The following FBXO36 variants were observed in gnomAD, a reference collection of about 807,000 sequenced individuals.
FBXO36 encodes F-box protein 36, also known as F-box only protein 36.
In FBXO36, 18 loss-of-function variants were observed where a neutral mutation model predicts 17.0. That is an observed-to-expected ratio of 1.06 (90% CI 0.73 to 1.57). The LOEUF (loss-of-function observed/expected upper bound fraction) is 1.57, where lower values mean the gene tolerates loss of function less well. FBXO36 is among the 40% of genes most tolerant of loss of function. FBXO36 has a pLI of 0.00. For synonymous variants in FBXO36, 83 were observed against 85.3 expected (o/e 0.97, Z 0.15); for missense variants, 229 against 221.9 (o/e 1.03, Z -0.20).
chr2:229,971,032 T>C (rs910326250), intron 1 of FBXO36, among the ~76,000 whole-genome samples: 2 of 152,094 alleles, frequency 1.3e-5, no homozygotes, highest in African/African-American at 2.4e-5. Context: ...CAAAAGGAGC[T>C]GTGTTTTCTT....
chr2:229,996,784 T>C lies in FBXO36; in HGVS notation c.239T>C (p.Leu80Ser). 1 of 1,612,912 alleles carries C rather than the reference T, an allele frequency of 6.2e-7. No individual in the cohort carries two copies. Among genetic ancestry groups the C allele is most frequent in the Non-Finnish European group, 8.5e-7 (1 of 1,179,970 alleles). ...GCCTTAATATTTGGTGCAAGAATAT[T>C]AGACTATGTCATCAATTTGTGCAAA... ...QTALIFGARI[L>S]DYVINLCKGK... Residue 80 changes from leucine to serine, a missense_variant, in exon 3 of 4, where the codon TTA (leucine) becomes TCA (serine). Leu to Ser is a moderately radical substitution (Grantham distance 145). Transcript: ENST00000283946.
chr2:229,999,306 T>A lies in FBXO36; in HGVS notation c.378+2383T>A, dbSNP rs141017255. ...CATGCCCAGCTAATTTTTATATTTT[T>A]AGTACAGACGGGGTTTCCCCGTGTT... On this transcript the variant is annotated intron_variant, in intron 3 of 3. Coordinates refer to ENST00000283946, the MANE Select transcript of FBXO36 (RefSeq NM_174899.5). Among the ~76,000 whole-genome samples, 928 of 151,076 alleles carry A rather than the reference T, an allele frequency of 6.1e-3. 10 individuals carry two copies. Among genetic ancestry groups the A allele is most frequent in the African/African-American group, 0.021 (854 of 41,198 alleles).
In FBXO36 at chr2:230,000,355, CAAAAAAAA is replaced by C. The variant is rs3086348; in HGVS notation, c.378+3448_378+3455del. Among the ~76,000 whole-genome samples the C allele has an allele frequency of 8.8e-3, 685 of 77,494 alleles. 5 individuals carry two copies. The highest frequency in any genetic ancestry group is 0.031 in the African/African-American group (634 of 20,240). 50.8% of individuals were successfully genotyped at this position (77,494 alleles called of 152,430 possible). ...CCTGGACAACAGAGTGAGACTGTCT[CAAAAAAAA>C]AAAAAAAAAAAAAAAGAAGCAGCAG... is the stretch of plus-strand genomic sequence containing the variant. On this transcript the variant is annotated intron_variant, in intron 3 of 3. Coordinates refer to ENST00000283946, the MANE Select transcript of FBXO36 (RefSeq NM_174899.5).
chr2:229,994,082 C>T (rs1056505871), intron 2 of FBXO36, among the ~76,000 whole-genome samples: 3 of 152,090 alleles, frequency 2.0e-5, no homozygotes, highest in Non-Finnish European at 4.4e-5. Flanking sequence ...AACTTTTACA[C>T]TTTAAATACT....
chr2:230,008,198 G>A (rs980044448), intron 3 of FBXO36, among the ~76,000 whole-genome samples: 6 of 152,200 alleles, frequency 3.9e-5, no homozygotes, highest in African/African-American at 1.4e-4. Context: ...TCTGTTCTTC[G>A]CTCAGCCACT....
At chr2:229,968,613 G>A (rs1171229932) in intron 1 of FBXO36, among the ~76,000 whole-genome samples, 3 of 152,038 alleles carry the variant, frequency 2.0e-5, no homozygotes, top group Non-Finnish European at 2.9e-5. Context: ...GACTACAGGC[G>A]TGTGCTACCA....
chr2:229,949,538 TACAC>T (rs56048655), intron 1 of FBXO36, among the ~76,000 whole-genome samples: 11,957 of 149,476 alleles, frequency 0.08, 640 homozygotes, highest in Non-Finnish European at 0.12. Context: ...GTAAAATGTA[TACAC>T]ACACACACAC....
At chr2:229,970,089 G>A (rs2077173366) in intron 1 of FBXO36, among the ~76,000 whole-genome samples, 1 of 152,104 alleles carries the variant, frequency 6.6e-6, no homozygotes, top group African/African-American at 2.4e-5. Flanking sequence ...ACCATTTTAA[G>A]TGCCAACATT....
rs532597561 is a variant in FBXO36, at chr2:229,954,659, T to G, written c.97-21582T>G. Among the ~76,000 whole-genome samples the G allele has an allele frequency of 4.0e-5, 6 of 149,274 alleles. No homozygotes were observed. In the East Asian group the frequency reaches 1.0e-3, roughly 25 times the overall value. ...CCCTCCCAGGTTCACGCCATTCTCCTGCCTCAGCCTCCCAAGTAGCTGGGA... is the reference window on the plus strand; with the variant it reads ...CCCTCCCAGGTTCACGCCATTCTCCGGCCTCAGCCTCCCAAGTAGCTGGGA... On this transcript the variant is annotated intron_variant, in intron 1 of 3. Coordinates refer to ENST00000283946, the MANE Select transcript of FBXO36 (RefSeq NM_174899.5).
intron 1 of FBXO36, among the ~76,000 whole-genome samples, chr2:229,933,048 G>A (rs1420611895): frequency 1.3e-5 from 2 of 152,160 alleles, no homozygotes; most frequent in Non-Finnish European, 2.9e-5. Flanking sequence ...GCCTGGGTGG[G>A]CAACAGAGCG....
chr2:229,924,265 G>A (rs907895593), intron 1 of FBXO36, among the ~76,000 whole-genome samples: 1 of 151,898 alleles, frequency 6.6e-6, no homozygotes, highest in African/African-American at 2.4e-5. Context: ...GCTAATTTTT[G>A]TATTTTTAAT....
At chr2:229,931,994 GCAGCCTCCAACTCCC>G (rs2076941019) in intron 1 of FBXO36, among the ~76,000 whole-genome samples, 1 of 148,134 alleles carries the variant, frequency 6.8e-6, no homozygotes. Context: ...ATAGCTCACT[GCAGCCTCCAACTCCC>G]ATGCTCAAGC....
Position 230,011,031 on chromosome 2 carries a change from T to G in FBXO36, c.*147T>G. On this transcript the variant is annotated 3_prime_UTR_variant, in exon 4 of 4. Coordinates refer to ENST00000283946, the MANE Select transcript of FBXO36 (RefSeq NM_174899.5). The stretch of plus-strand genomic sequence containing the variant: ...AACTCGTAGGGGATTTGCACACAAA[T>G]GCAGCAGAGTCTGGCTCCCCAGTGC... 1.2e-6 allele frequency: 1 copy of G among 855,330 alleles called. No homozygotes were observed. The highest frequency in any genetic ancestry group is 1.9e-5 in the South Asian group (1 of 53,400). 53.0% of individuals were successfully genotyped at this position (855,330 alleles called of 1,614,324 possible).
At chr2:229,929,334 C>T (rs2076927382) in intron 1 of FBXO36, among the ~76,000 whole-genome samples, 1 of 151,944 alleles carries the variant, frequency 6.6e-6, no homozygotes, top group Non-Finnish European at 1.5e-5. Flanking sequence ...GAGCCTGAGG[C>T]AGGCAGATCA....
chr2:229,959,611 C>T (rs188897775), intron 1 of FBXO36, among the ~76,000 whole-genome samples: 28 of 152,140 alleles, frequency 1.8e-4, no homozygotes, highest in Non-Finnish European at 3.1e-4. Context: ...TTTGGGAGGC[C>T]GAGGCGGGTG....
At chr2:229,975,871 G>A (rs1338251707) in intron 1 of FBXO36, among the ~76,000 whole-genome samples, 1 of 151,706 alleles carries the variant, frequency 6.6e-6, no homozygotes, top group Non-Finnish European at 1.5e-5. Context: ...GCAGTGGCGC[G>A]ATCTCGGCTC....
Position 229,922,717 on chromosome 2 carries a change from C to T in FBXO36, c.96+108C>T, listed in dbSNP as rs928983905. 5.4e-6 allele frequency: 6 copies of T among 1,113,446 alleles called. No homozygotes were observed. In the East Asian group the frequency reaches 1.1e-4, roughly 20 times the overall value. 69.0% of individuals were successfully genotyped at this position (1,113,446 alleles called of 1,614,324 possible). On this transcript the variant is annotated intron_variant, in intron 1 of 3. Transcript: ENST00000283946. ...AAGAGCAACCGTAGCCCGCCGGAAGCGCCCAGTCCCGGCTCCGCGCCGGGA... is the reference window on the plus strand; with the variant it reads ...AAGAGCAACCGTAGCCCGCCGGAAGTGCCCAGTCCCGGCTCCGCGCCGGGA...
intron 1 of FBXO36, among the ~76,000 whole-genome samples, chr2:229,967,451 G>A (rs998831014): frequency 2.0e-5 from 3 of 152,282 alleles, no homozygotes; most frequent in African/African-American, 7.2e-5. Context: ...TCCCTGTCTT[G>A]TGCCAGTTTC....
intron 1 of FBXO36, among the ~76,000 whole-genome samples, chr2:229,961,300 AT>A (rs1560441579): frequency 1.3e-5 from 2 of 152,300 alleles, no homozygotes; most frequent in African/African-American, 4.8e-5. Context: ...TAATAGCCTT[AT>A]ATTACTTTCT....
Sources: allele counts gnomAD v4.1 joint callset (sites outside exome capture counted in the v4.1 genomes callset), GRCh38; gene constraint gnomAD v4.1.1; transcripts MANE v1.5; gene names NCBI Gene and HGNC (gene_info 2026-07-23, HGNC 2026-07-21).